PCDHA3: variants seen among roughly 807,000 people sequenced by gnomAD.
The protein encoded by PCDHA3 is protocadherin alpha-3.
Under a neutral mutation model 62.2 loss-of-function variants are expected in PCDHA3, and 41 were observed. The observed-to-expected ratio is 0.66, with a 90% CI of 0.51 to 0.86. The LOEUF (loss-of-function observed/expected upper bound fraction) is 0.86. Ranked by LOEUF, PCDHA3 falls within the 40% of genes least tolerant of loss-of-function variation. PCDHA3 has a pLI of 0.00. For missense variants in PCDHA3, 1,304 were observed against 1,241.2 expected (o/e 1.05, Z -0.76); for synonymous variants, 640 against 555.4 (o/e 1.15, Z -2.14).
At chr5:140,880,241 C>T (rs529552139) in intron 1 of PCDHA3, among the ~76,000 whole-genome samples, 12 of 150,302 alleles carry the variant, frequency 8.0e-5, no homozygotes, top group South Asian at 4.2e-4. Flanking sequence ...AGTGTATGTG[C>T]GTGTGTGTAT....
intron 1 of PCDHA3, among the ~76,000 whole-genome samples, chr5:140,855,122 G>C (rs1327374532): frequency 1.3e-5 from 2 of 149,706 alleles, no homozygotes; most frequent in African/African-American, 4.9e-5. Flanking sequence ...CATTCTATAG[G>C]TAATAATTTT....
At chr5:140,819,480 C>T (rs1242714625) in intron 1 of PCDHA3, among the ~76,000 whole-genome samples, 3 of 152,058 alleles carry the variant, frequency 2.0e-5, no homozygotes, top group Non-Finnish European at 2.9e-5. Flanking sequence ...CACAATGATG[C>T]TTAAACATGA....
intron 1 of PCDHA3, among the ~76,000 whole-genome samples, chr5:140,874,944 G>A (rs2055185348): frequency 6.6e-6 from 1 of 152,170 alleles, no homozygotes; most frequent in Non-Finnish European, 1.5e-5. Context: ...TGAAACAGCG[G>A]AATTGTAAGC....
intron 1 of PCDHA3, chr5:140,813,592 T>C (rs1554126239): frequency 6.6e-6 from 1 of 152,220 alleles, no homozygotes; most frequent in Admixed American, 6.5e-5. Context: ...TTTATCTGCA[T>C]GAGTCAATGA....
intron 1 of PCDHA3, chr5:140,808,325 G>T (rs1347522156): frequency 1.9e-6 from 3 of 1,614,120 alleles, no homozygotes; most frequent in East Asian, 4.5e-5. Context: ...CAAAGACATG[G>T]GTGTCAATGG....
chr5:140,884,534 C>T (rs781847666), intron 1 of PCDHA3: 3 of 1,614,180 alleles, frequency 1.9e-6, no homozygotes, highest in Admixed American at 3.3e-5. Context: ...GCAGAGGCGG[C>T]CGAGGGTGTG....
chr5:140,831,691 CA>C (rs1278629646), intron 1 of PCDHA3, among the ~76,000 whole-genome samples: 1 of 152,020 alleles, frequency 6.6e-6, no homozygotes, highest in Non-Finnish European at 1.5e-5. Context: ...TGAAAAGCAG[CA>C]AAAAGTAGTG....
chr5:140,848,925 G>T lies in PCDHA3; in HGVS notation c.2394+45334G>T, dbSNP rs2150425144. ...GACACAAAAGAATCTGTTCATCGCGGAATCCAGGCCGCTTGACTCTCGGTT... is the reference window on the plus strand; with the variant it reads ...GACACAAAAGAATCTGTTCATCGCGTAATCCAGGCCGCTTGACTCTCGGTT... On this transcript the variant is annotated intron_variant, in intron 1 of 3. Transcript: ENST00000522353. 12 of 1,607,696 alleles carry T rather than the reference G, an allele frequency of 7.5e-6. 1 individual carries two copies. The highest frequency in any genetic ancestry group is 1.0e-5 in the Non-Finnish European group (12 of 1,176,962).
In PCDHA3 at chr5:140,849,990, T is replaced by C. The variant is rs2150462015; in HGVS notation, c.2394+46399T>C. On this transcript the variant is annotated intron_variant, in intron 1 of 3. Coordinates refer to ENST00000522353, the MANE Select transcript of PCDHA3 (RefSeq NM_018906.3). ...GTCCTACTCGCTGGTGGAGCGGCGG[T>C]TGGGCGAGCGCTCGCTGTCGAGCTA... 88 of 1,596,734 alleles carry C rather than the reference T, an allele frequency of 5.5e-5. 7 individuals carry two copies. Among genetic ancestry groups the C allele is most frequent in the Non-Finnish European group, 6.9e-5 (80 of 1,167,720 alleles).
chr5:140,808,488 C>T (rs372115820), intron 1 of PCDHA3: 12 of 1,614,170 alleles, frequency 7.4e-6, no homozygotes, highest in Non-Finnish European at 1.0e-5. Context: ...GGCTCGCCTT[C>T]GCTGTGGGCC....
chr5:140,870,201 G>C lies in PCDHA3; in HGVS notation c.2394+66610G>C, dbSNP rs370139733. 2.5e-4 allele frequency: 410 copies of C among 1,614,022 alleles called. 1 individual carries two copies. Among genetic ancestry groups the C allele is most frequent in the Non-Finnish European group, 5.8e-5 (69 of 1,180,034 alleles). ...TACGAGAGGACGCTCAGCCCAGCAC[G>C]GTCATTGCCCTGATCAGCGTGTCTG... On this transcript the variant is annotated intron_variant, in intron 1 of 3. Coordinates refer to ENST00000522353, the MANE Select transcript of PCDHA3 (RefSeq NM_018906.3).
At chr5:140,973,263 A>G (rs1458697392) in intron 1 of PCDHA3, among the ~76,000 whole-genome samples, 1 of 152,136 alleles carries the variant, frequency 6.6e-6, no homozygotes, top group Admixed American at 6.5e-5. Flanking sequence ...AGTGGCACCT[A>G]CTTTTATTTC....
chr5:140,924,901 A>AAAATAAAAT (rs1554202314), intron 1 of PCDHA3, among the ~76,000 whole-genome samples: 2 of 80,456 alleles, frequency 2.5e-5, no homozygotes, highest in African/African-American at 8.6e-5. Context: ...TCTCAAAAAA[A>AAAATAAAAT]AAAATAAAAT....
At chr5:140,978,422 T>C (rs1554239303) in intron 1 of PCDHA3, among the ~76,000 whole-genome samples, 2 of 152,218 alleles carry the variant, frequency 1.3e-5, no homozygotes, top group Non-Finnish European at 2.9e-5. Flanking sequence ...AAGAGACTGT[T>C]ATCAGTTGCT....
intron 3 of PCDHA3, among the ~76,000 whole-genome samples, chr5:140,998,062 C>T (rs2097795439): frequency 6.6e-6 from 1 of 152,176 alleles, no homozygotes; most frequent in African/African-American, 2.4e-5. Flanking sequence ...TCATCATCAA[C>T]AGACTTAGCC....
intron 1 of PCDHA3, chr5:140,824,182 T>C: frequency 6.2e-7 from 1 of 1,608,398 alleles, no homozygotes; most frequent in Middle Eastern, 1.7e-4. Context: ...AAATATTAAA[T>C]GTCACATTCA....
chr5:140,820,833 A>G (rs1554127932), intron 1 of PCDHA3, among the ~76,000 whole-genome samples: 2 of 152,094 alleles, frequency 1.3e-5, no homozygotes. Context: ...TTTATCAGTA[A>G]TAGCAACTTG....
intron 1 of PCDHA3, chr5:140,863,111 C>T (rs782266273): frequency 1.2e-5 from 7 of 585,488 alleles, no homozygotes; most frequent in Non-Finnish European, 1.7e-5. Context: ...CTGGACGAGG[C>T]GAAAGCTACG....
chr5:140,933,159 A>G (rs565076666), intron 1 of PCDHA3, among the ~76,000 whole-genome samples: 67 of 152,098 alleles, frequency 4.4e-4, no homozygotes, highest in African/African-American at 1.3e-3. Flanking sequence ...TTTGTTCCCA[A>G]TTTTAATTGA....
Sources: gnomAD v4.1 joint callset for allele counts (sites outside exome capture counted in the v4.1 genomes callset) on GRCh38, gnomAD v4.1.1 for gene constraint, MANE v1.5 for transcripts, NCBI Gene and HGNC (gene_info 2026-07-23, HGNC 2026-07-21) for gene names.